Variants in RNF182 observed in about 807,000 individuals in gnomAD.
RNF182 encodes the protein ring finger protein 182.
Under a neutral mutation model 14.4 loss-of-function variants are expected in RNF182, and 15 were observed. The ratio of observed to expected loss-of-function variants is 1.04; its 90% CI spans 0.70 to 1.60. The LOEUF (loss-of-function observed/expected upper bound fraction) is 1.60, where lower values mean the gene tolerates loss of function less well. Ranked by LOEUF, RNF182 falls within the 40% of genes most tolerant of loss-of-function variation. The pLI is 0.00. For synonymous variants in RNF182, 128 were observed against 122.9 expected (o/e 1.04, Z -0.27); for missense variants, 268 against 294.8 (o/e 0.91, Z 0.67).
Position 13,980,249 on chromosome 6 carries a change from AT to A in RNF182, c.*2390del, listed in dbSNP as rs1320454225. ...TTATTTTATTTTATTTTATTTATTT[AT>A]TTTAAAGCAGGGGAGAAAAATTAGG... On this transcript the variant is annotated 3_prime_UTR_variant, in exon 3 of 3. Coordinates refer to ENST00000488300, the MANE Select transcript of RNF182 (RefSeq NM_152737.4). The A allele has an allele frequency of 2.7e-5, 3 of 111,094 alleles. No individual in the cohort carries two copies. In the East Asian group the frequency reaches 6.8e-4, roughly 25 times the overall value. 6.9% of individuals were successfully genotyped at this position (111,094 alleles called of 1,614,324 possible).
At chr6:13,966,430 T>A (rs539089326) in intron 1 of RNF182, among the ~76,000 whole-genome samples, 2 of 152,252 alleles carry the variant, frequency 1.3e-5, no homozygotes, top group South Asian at 4.1e-4. Context: ...TTAGAATTCA[T>A]TAGATGTTTT....
At chr6:13,971,975 A>G (rs1356136877) in intron 1 of RNF182, among the ~76,000 whole-genome samples, 1 of 152,126 alleles carries the variant, frequency 6.6e-6, no homozygotes, top group Non-Finnish European at 1.5e-5. Context: ...ATTCACAAAG[A>G]TATGGTTTGG....
rs1240559833 is a variant in RNF182 at position 13,979,699 on chromosome 6, T to TA, written c.*1843dup. On this transcript the variant is annotated 3_prime_UTR_variant, in exon 3 of 3. Coordinates refer to ENST00000488300, the MANE Select transcript of RNF182 (RefSeq NM_152737.4). ...GATTTATATATTTGTAAGGTTTTTT[T>TA]AAAAAAATGTTCGTTTTGTTTGAAA... 1.8e-5 allele frequency: 3 copies of TA among 166,838 alleles called. No individual in the cohort carries two copies. The highest frequency in any genetic ancestry group is 4.4e-5 in the Non-Finnish European group (3 of 68,094). 10.3% of individuals were successfully genotyped at this position (166,838 alleles called of 1,614,324 possible).
At chr6:13,951,908 G>A (rs2113615381) in intron 1 of RNF182, among the ~76,000 whole-genome samples, 1 of 152,272 alleles carries the variant, frequency 6.6e-6, no homozygotes, top group African/African-American at 2.4e-5. Flanking sequence ...GACAAACTTA[G>A]ATACTAGTCA....
intron 1 of RNF182, among the ~76,000 whole-genome samples, chr6:13,929,266 A>T (rs903271854): frequency 1.3e-5 from 2 of 152,148 alleles, no homozygotes; most frequent in Non-Finnish European, 2.9e-5. Flanking sequence ...TGGCCAACAT[A>T]TTGTATTTGA....
At chr6:13,965,960 TG>T (rs1231516326) in intron 1 of RNF182, among the ~76,000 whole-genome samples, 2 of 152,230 alleles carry the variant, frequency 1.3e-5, no homozygotes, top group African/African-American at 4.8e-5. Context: ...TGTGGTGATC[TG>T]GTGAGTTTCA....
At chr6:13,936,714 G>A (rs1759120272) in intron 1 of RNF182, among the ~76,000 whole-genome samples, 2 of 152,210 alleles carry the variant, frequency 1.3e-5, no homozygotes, top group South Asian at 4.1e-4. Context: ...GATGCCTGTG[G>A]AGTCTGTAGG....
At chr6:13,965,479 A>G (rs1400354424) in intron 1 of RNF182, among the ~76,000 whole-genome samples, 5 of 152,204 alleles carry the variant, frequency 3.3e-5, no homozygotes, top group African/African-American at 1.2e-4. Context: ...TAGCTTATTA[A>G]GTTCCAGGCA....
In RNF182 at chr6:13,980,004, A is replaced by G. The variant is rs534431439; in HGVS notation, c.*2141A>G. 2.4e-5 allele frequency: 4 copies of G among 164,686 alleles called. No homozygotes were observed. Among genetic ancestry groups the G allele is most frequent in the Non-Finnish European group, 5.9e-5 (4 of 68,062 alleles). 10.2% of individuals were successfully genotyped at this position (164,686 alleles called of 1,614,324 possible). Reference sequence around the variant, plus strand: ...GTCTATTAAATTGTTATTATTTCCAAATTTAGAAGTTTGATTTCTCTGACT... The same window carrying G: ...GTCTATTAAATTGTTATTATTTCCAGATTTAGAAGTTTGATTTCTCTGACT... On this transcript the variant is annotated 3_prime_UTR_variant, in exon 3 of 3. Transcript: ENST00000488300.
At chr6:13,966,771 C>A (rs1466710433) in intron 1 of RNF182, among the ~76,000 whole-genome samples, 2 of 137,392 alleles carry the variant, frequency 1.5e-5, no homozygotes, top group Admixed American at 1.4e-4. Context: ...CCCACCCCCC[C>A]ACCCCCCCAC....
intron 1 of RNF182, among the ~76,000 whole-genome samples, chr6:13,960,656 A>AGAGT (rs1298804988): frequency 2.5e-4 from 33 of 133,214 alleles, no homozygotes; most frequent in Non-Finnish European, 2.9e-4. Flanking sequence ...GGAGAGAGAG[A>AGAGT]GTGTGTGTGT....
At chr6:13,965,456 CTG>C in intron 1 of RNF182, among the ~76,000 whole-genome samples, 1 of 152,182 alleles carries the variant, frequency 6.6e-6, no homozygotes, top group South Asian at 2.1e-4. Context: ...GGACTTGAGT[CTG>C]TAAATTCAAA....
chr6:13,943,946 CT>C (rs1181434217), intron 1 of RNF182, among the ~76,000 whole-genome samples: 3 of 152,136 alleles, frequency 2.0e-5, no homozygotes, highest in African/African-American at 7.2e-5. Context: ...AAACAAACTT[CT>C]TGTATCCTTA....
At position 13,979,717 on chromosome 6, in the gene RNF182, G is replaced by T. The variant is rs1760443339; in HGVS notation, c.*1854G>T. On this transcript the variant is annotated 3_prime_UTR_variant, in exon 3 of 3. Coordinates refer to ENST00000488300, the MANE Select transcript of RNF182 (RefSeq NM_152737.4). ...GTTTTTTTAAAAAAATGTTCGTTTTGTTTGAAATGTAACATTGAGTAAATT... is the reference window on the plus strand; with the variant it reads ...GTTTTTTTAAAAAAATGTTCGTTTTTTTTGAAATGTAACATTGAGTAAATT... The T allele has an allele frequency of 1.2e-5, 2 of 166,836 alleles. No individual in the cohort carries two copies. Among genetic ancestry groups the T allele is most frequent in the Admixed American group, 1.3e-4 (2 of 15,262 alleles). 10.3% of individuals were successfully genotyped at this position (166,836 alleles called of 1,614,324 possible).
At chr6:13,953,667 C>T (rs1447729549) in intron 1 of RNF182, among the ~76,000 whole-genome samples, 2 of 152,098 alleles carry the variant, frequency 1.3e-5, no homozygotes, top group Non-Finnish European at 2.9e-5. Context: ...GAGAGATTAG[C>T]CATGCTGTTA....
At chr6:13,933,948 G>A (rs1759041598) in intron 1 of RNF182, among the ~76,000 whole-genome samples, 4 of 152,142 alleles carry the variant, frequency 2.6e-5, no homozygotes, top group African/African-American at 9.7e-5. Flanking sequence ...AACCTGGGAG[G>A]CAGTGGTTGC....
intron 1 of RNF182, among the ~76,000 whole-genome samples, chr6:13,936,658 GTGTC>G (rs2113588729): frequency 6.6e-6 from 1 of 152,344 alleles, no homozygotes; most frequent in South Asian, 2.1e-4. Context: ...TTACAGATAA[GTGTC>G]TGGTCATTAC....
chr6:13,936,740 A>AGATTTGG (rs1190823939), intron 1 of RNF182, among the ~76,000 whole-genome samples: 1 of 152,212 alleles, frequency 6.6e-6, no homozygotes, highest in Non-Finnish European at 1.5e-5. Flanking sequence ...CATCCAAGCA[A>AGATTTGG]GATTTGGGAT....
chr6:13,925,404 G>A (rs1226429388), intron 1 of RNF182: 1 of 152,110 alleles, frequency 6.6e-6, no homozygotes. Context: ...CATGTTTCAT[G>A]GCATTCTCTT....
Sources: allele counts gnomAD v4.1 joint callset (sites outside exome capture counted in the v4.1 genomes callset), GRCh38; gene constraint gnomAD v4.1.1; transcripts MANE v1.5; gene names NCBI Gene and HGNC (gene_info 2026-07-23, HGNC 2026-07-21).